The following TENM2 variants were observed in gnomAD, a reference collection of about 807,000 sequenced individuals.
The protein encoded by TENM2 is teneurin transmembrane protein 2.
Under a neutral mutation model 245.2 loss-of-function variants are expected in TENM2, and 52 were observed. The ratio of observed to expected loss-of-function variants is 0.21; its 90% CI spans 0.17 to 0.27. The LOEUF is 0.27. TENM2 is among the 10% of genes least tolerant of loss of function. The pLI, the probability that TENM2 is intolerant of heterozygous loss-of-function variation, is 1.00. For synonymous variants in TENM2, 1,363 were observed against 1,438.9 expected, an observed-to-expected ratio of 0.95 and a Z score of 1.19; for missense variants, 3,046 against 3,666.8, an observed-to-expected ratio of 0.83 and a Z score of 4.37.
intron 5 of TENM2, 112 bp from the exon 8 acceptor site, chr5:168,047,315 A>G: frequency 7.8e-7 from 1 of 1,274,538 alleles, no homozygotes; most frequent in Non-Finnish European, 1.1e-6. Context: ...GCCATTTTTG[A>G]CGCAGCTTCC....
intron 2 of TENM2, among the ~76,000 whole-genome samples, chr5:167,872,461 C>T (rs561148873): frequency 5.0e-5 from 5 of 99,910 alleles, no homozygotes; most frequent in East Asian, 3.4e-4. Flanking sequence ...AAAGAAAGCA[C>T]GAAAGAAAGA....
chr5:167,596,018 A>AC (rs763746021), intron 2 of TENM2, among the ~76,000 whole-genome samples: 11 of 151,918 alleles, frequency 7.2e-5, no homozygotes, highest in Middle Eastern at 3.4e-3. Flanking sequence ...GCAAAACCTA[A>AC]CCCCCCTTAT....
chr5:167,230,174 A>G, the TENM2 span, among the ~76,000 whole-genome samples: 26 of 152,218 alleles, frequency 1.7e-4, no homozygotes, highest in African/African-American at 6.3e-4. Context: ...CTCTGGAGCA[A>G]TGTCTCTGAA....
At chr5:167,658,551 C>T (rs1484151278) in intron 2 of TENM2, among the ~76,000 whole-genome samples, 1 of 152,058 alleles carries the variant, frequency 6.6e-6, no homozygotes, top group Non-Finnish European at 1.5e-5. Context: ...CCTAAAGGCC[C>T]CCACCTCTTA....
intron 2 of TENM2, among the ~76,000 whole-genome samples, chr5:167,609,782 C>T (rs1237470060): frequency 6.6e-6 from 1 of 152,088 alleles, no homozygotes; most frequent in Non-Finnish European, 1.5e-5. Flanking sequence ...TTCCTACTCT[C>T]ACATGTTCAA....
chr5:167,801,344 G>A (rs1303622688), intron 2 of TENM2, among the ~76,000 whole-genome samples: 1 of 151,722 alleles, frequency 6.6e-6, no homozygotes, highest in Non-Finnish European at 1.5e-5. Flanking sequence ...GTTGGTGCCA[G>A]CATATGCCTG....
chr5:167,654,590 CT>C (rs752856203), intron 2 of TENM2, among the ~76,000 whole-genome samples: 4,693 of 144,092 alleles, frequency 0.033, 206 homozygotes, highest in African/African-American at 0.1. Flanking sequence ...ATCTCATTCA[CT>C]TTTTTTTTTT....
At chr5:167,564,882 C>A (rs751455815) in intron 2 of TENM2, among the ~76,000 whole-genome samples, 8 of 152,320 alleles carry the variant, frequency 5.3e-5, no homozygotes, top group South Asian at 2.1e-4. Flanking sequence ...GGCCTATTGG[C>A]CAAAGCAAGT....
At chr5:167,431,961 G>GTATA (rs112010521) in intron 2 of TENM2, among the ~76,000 whole-genome samples, 86 of 43,568 alleles carry the variant, frequency 2.0e-3, no homozygotes, top group African/African-American at 3.5e-3. Flanking sequence ...ATATATATAT[G>GTATA]TATATATATA....
At chr5:167,742,368 T>TAAA (rs75184865) in intron 2 of TENM2, among the ~76,000 whole-genome samples, 9,623 of 142,508 alleles carry the variant, frequency 0.068, 366 homozygotes, top group African/African-American at 0.1. Context: ...ATAGATAAAT[T>TAAA]AAAAAAAAAA....
intron 2 of TENM2, among the ~76,000 whole-genome samples, chr5:167,591,827 A>G (rs1775897001): frequency 6.6e-6 from 1 of 152,216 alleles, no homozygotes. Context: ...ATTGACAAGA[A>G]AAGTTAGCAG....
intron 1 of TENM2, among the ~76,000 whole-genome samples, chr5:167,367,891 C>G (rs1760158563): frequency 6.6e-6 from 1 of 152,070 alleles, no homozygotes; most frequent in Non-Finnish European, 1.5e-5. Flanking sequence ...CAAATCACTT[C>G]AATTTCTTTG....
rs537336054 is a variant in TENM2, at chr5:168,119,922, G to T, written c.2008+1436G>T. ...GTTCCTCATGGCCAGGCTAACAAGG[G>T]ATCTCAGGTTTTATGAGGTTCTCAG... On this transcript the variant is annotated intron_variant, in intron 10 of 28. Coordinates refer to ENST00000518659, the Ensembl canonical transcript of TENM2. Among the ~76,000 whole-genome samples, 3 of 152,286 alleles carry T rather than the reference G, an allele frequency of 2.0e-5. No homozygotes were observed. The East Asian group carries it at 5.8e-4, about 29-fold the overall frequency.
At chr5:167,432,043 G>T (rs1764287066) in intron 2 of TENM2, among the ~76,000 whole-genome samples, 1 of 143,864 alleles carries the variant, frequency 7.0e-6, no homozygotes, top group Non-Finnish European at 1.5e-5. Flanking sequence ...AAAAATAATG[G>T]TCAAGATAAG....
At chr5:167,404,799 C>T (rs552978805) in intron 2 of TENM2, among the ~76,000 whole-genome samples, 5 of 152,204 alleles carry the variant, frequency 3.3e-5, no homozygotes, top group African/African-American at 9.6e-5. Flanking sequence ...ATTCACATAA[C>T]GTGCAATTCA....
chr5:168,008,580 T>C (rs1219316365), intron 5 of TENM2, among the ~76,000 whole-genome samples: 3 of 152,144 alleles, frequency 2.0e-5, no homozygotes, highest in Non-Finnish European at 2.9e-5. Context: ...TGGGTGTGTG[T>C]TGGTGAGGCC....
rs1020645745 is a variant in TENM2 at position 167,315,213 on chromosome 5, C to T, written c.226+30150C>T. On this transcript the variant is annotated intron_variant, in intron 1 of 28. Coordinates refer to ENST00000518659, the Ensembl canonical transcript of TENM2. ...TTATCAAATGACTTTTATCATTTTA[C>T]ACCAGTAATTTAACTACAGTTGTAA... is the stretch of plus-strand genomic sequence containing the variant. Among the ~76,000 whole-genome samples, 81 of 152,004 alleles carry T rather than the reference C, an allele frequency of 5.3e-4. 2 individuals are homozygous for T. Among genetic ancestry groups the T allele is most frequent in the Admixed American group, 5.2e-3 (79 of 15,248 alleles).
chr5:167,448,384 A>G (rs1009910632), intron 2 of TENM2, among the ~76,000 whole-genome samples: 5 of 151,870 alleles, frequency 3.3e-5, no homozygotes, highest in African/African-American at 9.7e-5. Context: ...GAAAATAAGC[A>G]ATAAGCGTCT....
chr5:167,064,503 T>TG, the TENM2 span, among the ~76,000 whole-genome samples: 13 of 152,208 alleles, frequency 8.5e-5, no homozygotes, highest in Non-Finnish European at 1.0e-4. Context: ...TGGAGTATTT[T>TG]GGAAGGAAAA....
Sources: allele counts gnomAD v4.1 joint callset (sites outside exome capture counted in the v4.1 genomes callset), GRCh38; gene constraint gnomAD v4.1.1; transcripts MANE v1.5; gene names NCBI Gene and HGNC (gene_info 2026-07-23, HGNC 2026-07-21).